RPH3A: variants seen among roughly 807,000 people sequenced by gnomAD.
The protein encoded by RPH3A is rabphilin-3A.
In RPH3A, 48 loss-of-function variants were observed where a neutral mutation model predicts 102.2. The observed-to-expected ratio is 0.47, with a 90% CI of 0.37 to 0.60. The LOEUF (loss-of-function observed/expected upper bound fraction) is 0.60. Among genes scored for constraint, RPH3A ranks in the 20% least tolerant of loss-of-function variants. The pLI, the probability that RPH3A is intolerant of heterozygous loss-of-function variation, is 0.00. For synonymous variants in RPH3A, 310 were observed against 324.3 expected, an observed-to-expected ratio of 0.96 and a Z score of 0.47; for missense variants, 781 against 910.1, an observed-to-expected ratio of 0.86 and a Z score of 1.83.
chr12:112,859,329 G>A (rs562248398), intron 5 of RPH3A, among the ~76,000 whole-genome samples: 15 of 152,312 alleles, frequency 9.8e-5, no homozygotes, highest in African/African-American at 2.4e-4. Context: ...ATTCAAACCC[G>A]TGGCTTTTAA....
intron 1 of RPH3A, among the ~76,000 whole-genome samples, chr12:112,651,409 T>C (rs2039974448): frequency 7.4e-6 from 1 of 134,588 alleles, no homozygotes; most frequent in African/African-American, 2.5e-5. Flanking sequence ...ACAAACAAAA[T>C]CCCAACAAAA....
Position 112,678,318 on chromosome 12 carries a change from A to AGAGAGAGAGAGAGAGAGAGAGAGAGAG in RPH3A, c.-140+102999_-140+103000insGAGAGAGAGAGAGAGAGAGAGAGAGAG, listed in dbSNP as rs1566255385. Among the ~76,000 whole-genome samples, 3 of 122,452 alleles carry AGAGAGAGAGAGAGAGAGAGAGAGAGAG rather than the reference A, an allele frequency of 2.4e-5. 1 individual carries two copies. Among genetic ancestry groups the AGAGAGAGAGAGAGAGAGAGAGAGAGAG allele is most frequent in the East Asian group, 2.5e-4 (1 of 4,070 alleles). The allele number at this position is 122,452 out of a possible 152,430, so 80.3% of individuals were successfully genotyped here. The stretch of plus-strand genomic sequence containing the variant: ...GAAAGAAAGAAAGAGAGAGAGAGAG[A>AGAGAGAGAGAGAGAGAGAGAGAGAGAG]AAGAAAGAAAGAAGGAAGGAAGGAA... On this transcript the variant is annotated intron_variant, in intron 1 of 21. Coordinates refer to the RPH3A transcript ENST00000543106.
chr12:112,598,606 G>A (rs966302740), intron 1 of RPH3A, among the ~76,000 whole-genome samples: 1 of 152,158 alleles, frequency 6.6e-6, no homozygotes. Context: ...ATCAAGTGTG[G>A]AGACTGAAAA....
At chr12:112,875,797 C>A (rs747974086) in intron 12 of RPH3A, 56 bp downstream of exon 12, 7 of 1,510,806 alleles carry the variant, frequency 4.6e-6, no homozygotes, top group South Asian at 2.3e-5. Context: ...CCCTACCTCC[C>A]TGAGAGAGAG....
intron 10 of RPH3A, among the ~76,000 whole-genome samples, chr12:112,873,505 A>T (rs1211829129): frequency 6.6e-6 from 1 of 152,174 alleles, no homozygotes. Context: ...CAGTGTGGAA[A>T]TCCCTTCAGA....
chr12:112,657,124 A>G (rs1249552457), intron 1 of RPH3A, among the ~76,000 whole-genome samples: 5 of 152,082 alleles, frequency 3.3e-5, no homozygotes, highest in Non-Finnish European at 7.4e-5. Flanking sequence ...ACTTTATAAT[A>G]ATAGCCATTC....
chr12:112,814,436 C>A (rs779860641), intron 2 of RPH3A, among the ~76,000 whole-genome samples: 2 of 152,128 alleles, frequency 1.3e-5, no homozygotes, highest in African/African-American at 4.8e-5. Flanking sequence ...TTGATTACCT[C>A]CAATGATGGG....
intron 1 of RPH3A, among the ~76,000 whole-genome samples, chr12:112,576,844 T>TC (rs1381991041): frequency 1.3e-5 from 2 of 151,612 alleles, no homozygotes; most frequent in African/African-American, 4.8e-5. Flanking sequence ...TATAAAACTT[T>TC]TTTTTTTTTT....
chr12:112,885,398 C>A (rs2042987828), intron 16 of RPH3A, among the ~76,000 whole-genome samples: 1 of 152,202 alleles, frequency 6.6e-6, no homozygotes, highest in African/African-American at 2.4e-5. Context: ...GGTAGGTGTG[C>A]ACTGGTGTTG....
intron 1 of RPH3A, among the ~76,000 whole-genome samples, chr12:112,750,809 G>A (rs1401323961): frequency 1.3e-5 from 2 of 152,150 alleles, no homozygotes; most frequent in African/African-American, 4.8e-5. Flanking sequence ...GGTTCAGGGG[G>A]AGCACATGGA....
chr12:112,810,879 G>A (rs369584728), intron 2 of RPH3A, among the ~76,000 whole-genome samples: 1 of 151,726 alleles, frequency 6.6e-6, no homozygotes, highest in South Asian at 2.1e-4. Flanking sequence ...GCATACATTT[G>A]TATATTGTAT....
At chr12:112,708,521 G>A (rs902318288) in intron 1 of RPH3A, among the ~76,000 whole-genome samples, 1 of 152,200 alleles carries the variant, frequency 6.6e-6, no homozygotes, top group Non-Finnish European at 1.5e-5. Flanking sequence ...GCTCAGCAAA[G>A]CGTTAGGACC....
chr12:112,817,004 G>A (rs1450177067), intron 2 of RPH3A, among the ~76,000 whole-genome samples: 1 of 152,150 alleles, frequency 6.6e-6, no homozygotes, highest in Non-Finnish European at 1.5e-5. Context: ...TACAGATGAG[G>A]AAACTGAGGT....
intron 1 of RPH3A, among the ~76,000 whole-genome samples, chr12:112,653,632 T>TA (rs947028164): frequency 6.6e-6 from 1 of 152,064 alleles, no homozygotes; most frequent in African/African-American, 2.4e-5. Flanking sequence ...TTTATATACT[T>TA]AAAAAAACCC....
rs572132163 is a variant in RPH3A, at chr12:112,840,053, G to A, written c.83+3551G>A. On this transcript the variant is annotated intron_variant, in intron 4 of 21. Transcript: ENST00000389385. ...TGGTGATCAATTTCAAATTCACATGGCATAGGGCATGGATACAGAGAAGAG... is the reference window on the plus strand; with the variant it reads ...TGGTGATCAATTTCAAATTCACATGACATAGGGCATGGATACAGAGAAGAG... Among the ~76,000 whole-genome samples, 4 of 152,268 alleles carry A rather than the reference G, an allele frequency of 2.6e-5. No homozygotes were observed. In the South Asian group the frequency reaches 8.3e-4, roughly 32 times the overall value.
At chr12:112,799,464 C>T (rs975852468) in intron 2 of RPH3A, among the ~76,000 whole-genome samples, 4 of 152,282 alleles carry the variant, frequency 2.6e-5, no homozygotes, top group Non-Finnish European at 2.9e-5. Context: ...CATCTTACCT[C>T]CAAGCCAAAT....
intron 1 of RPH3A, among the ~76,000 whole-genome samples, chr12:112,767,799 C>T (rs556244569): frequency 6.6e-6 from 1 of 152,032 alleles, no homozygotes; most frequent in Non-Finnish European, 1.5e-5. Context: ...AACTGAAGCA[C>T]GAATATGTGC....
At chr12:112,834,505 T>G (rs2042019210) in intron 3 of RPH3A, among the ~76,000 whole-genome samples, 1 of 152,242 alleles carries the variant, frequency 6.6e-6, no homozygotes, top group African/African-American at 2.4e-5. Flanking sequence ...GGTTTAACTT[T>G]TAAGAAACTG....
chr12:112,621,035 G>A lies in RPH3A; in HGVS notation c.-140+45716G>A, dbSNP rs982186314. On this transcript the variant is annotated intron_variant, in intron 1 of 21. Coordinates refer to the RPH3A transcript ENST00000543106. ...ATTTTTTTTTTTTTGTAGAGATAGG[G>A]TCTTGCTATGTTACCTAGGCTGGTC... Among the ~76,000 whole-genome samples, 19 of 150,682 alleles carry A rather than the reference G, an allele frequency of 1.3e-4. No individual in the cohort carries two copies. In the Middle Eastern group the frequency reaches 0.014, roughly 108 times the overall value.
Sources: gnomAD v4.1 joint callset for allele counts (sites outside exome capture counted in the v4.1 genomes callset) on GRCh38, gnomAD v4.1.1 for gene constraint, MANE v1.5 for transcripts, NCBI Gene and HGNC (gene_info 2026-07-23, HGNC 2026-07-21) for gene names.